The following SLC39A10 variants were observed in gnomAD, a reference collection of about 807,000 sequenced individuals.
SLC39A10 encodes solute carrier family 39 member 10, also known as zinc transporter ZIP10.
In SLC39A10, 13 loss-of-function variants were observed where a neutral mutation model predicts 65.1. That is an observed-to-expected ratio of 0.20 (90% CI 0.13 to 0.32). SLC39A10 has a LOEUF of 0.32. Ranked by LOEUF, SLC39A10 falls within the 10% of genes least tolerant of loss-of-function variation. The pLI, the probability that SLC39A10 is intolerant of heterozygous loss-of-function variation, is 1.00. For missense variants in SLC39A10, 831 were observed against 1,018.4 expected (o/e 0.82, Z 2.50); for synonymous variants, 321 against 342.2 (o/e 0.94, Z 0.68).
intron 9 of SLC39A10, among the ~76,000 whole-genome samples, chr2:195,730,603 T>C (rs1692402731): frequency 6.6e-6 from 1 of 152,228 alleles, no homozygotes; most frequent in South Asian, 2.1e-4. Flanking sequence ...TGCATCTAAA[T>C]GTTGGCAAAA....
At chr2:195,655,985 C>G (rs1339469731), upstream of SLC39A10, among the ~76,000 whole-genome samples, 1 of 152,208 alleles carries the variant, frequency 6.6e-6, no homozygotes, top group Non-Finnish European at 1.5e-5. Context: ...TCTACCTGCT[C>G]TGTGATACCA....
chr2:195,657,752 G>A, intron 1 of SLC39A10: 1 of 542,818 alleles, frequency 1.8e-6, no homozygotes, highest in Non-Finnish European at 2.4e-6. Context: ...GCAGGTCTTC[G>A]GGGGCTTGGC....
chr2:195,712,145 GT>G (rs1691621221), intron 5 of SLC39A10, among the ~76,000 whole-genome samples: 2 of 152,356 alleles, frequency 1.3e-5, no homozygotes, highest in South Asian at 4.1e-4. Context: ...TTCACTCCCT[GT>G]CTGCATCTTA....
chr2:195,635,225 A>G (rs1574207968), intron 2 of SLC39A10, among the ~76,000 whole-genome samples: 1 of 152,226 alleles, frequency 6.6e-6, no homozygotes, highest in Non-Finnish European at 1.5e-5. Context: ...AGAAAAGGGA[A>G]ATTTGTTTTC....
intron 1 of SLC39A10, chr2:195,671,804 C>G (rs573284770): frequency 6.6e-6 from 1 of 152,282 alleles, no homozygotes; most frequent in Non-Finnish European, 1.5e-5. Context: ...AGAAGTGATG[C>G]CTGCAACTTC....
rs555056581 is a variant in SLC39A10, at chr2:195,619,914, CTATTTATT to C, written c.-12+13699_-12+13706del. 4.6e-5 allele frequency among the ~76,000 whole-genome samples: 7 copies of C among 151,630 alleles called. 1 individual carries two copies. Among genetic ancestry groups the C allele is most frequent in the African/African-American group, 1.2e-4 (5 of 41,302 alleles). ...TAGAGACAGAGTCTTCAGGACTTTA[CTATTTATT>C]TATTTATTTATTTATTTTGAGACAG... On this transcript the variant is annotated intron_variant, in intron 2 of 2. Coordinates refer to the SLC39A10 transcript ENST00000458054.
At chr2:195,632,625 A>T (rs1688612092) in intron 2 of SLC39A10, among the ~76,000 whole-genome samples, 1 of 152,062 alleles carries the variant, frequency 6.6e-6, no homozygotes, top group Non-Finnish European at 1.5e-5. Flanking sequence ...CTTTTAAACA[A>T]TTGTAGTACT....
At chr2:195,729,465 C>T (rs1016589697) in intron 9 of SLC39A10, among the ~76,000 whole-genome samples, 2 of 152,174 alleles carry the variant, frequency 1.3e-5, no homozygotes, top group Non-Finnish European at 2.9e-5. Flanking sequence ...TCATGGGGAA[C>T]ACCGAAGCTA....
chr2:195,620,490 A>G (rs560819426), intron 2 of SLC39A10, among the ~76,000 whole-genome samples: 209 of 152,254 alleles, frequency 1.4e-3, no homozygotes, highest in African/African-American at 4.5e-3. Context: ...AAAGTTAAAT[A>G]TTAGAGTTAC....
intron 3 of SLC39A10, among the ~76,000 whole-genome samples, chr2:195,694,975 C>T (rs577936221): frequency 6.6e-6 from 1 of 152,286 alleles, no homozygotes; most frequent in East Asian, 1.9e-4. Flanking sequence ...AAAACAGACT[C>T]TCCGCGGGGC....
intron 3 of SLC39A10, among the ~76,000 whole-genome samples, chr2:195,695,560 G>GT (rs1301737385): frequency 6.6e-6 from 1 of 152,132 alleles, no homozygotes; most frequent in Admixed American, 6.5e-5. Flanking sequence ...TGGACTCACA[G>GT]TTTTTTTGGT....
At position 195,657,299 on chromosome 2, in the gene SLC39A10, AT is replaced by A; in HGVS notation, c.-12+21del. ...AGTGTGAGGTAACTATAAAACCCCG[AT>A]TTGTTTACATTCCCTCCCCCAGAAC... On this transcript the variant is annotated intron_variant, in intron 1 of 9. Coordinates refer to ENST00000359634, the MANE Select transcript of SLC39A10 (RefSeq NM_020342.3). 1 of 797,290 alleles carries A rather than the reference AT, an allele frequency of 1.3e-6. No individual in the cohort carries two copies. The highest frequency in any genetic ancestry group is 6.4e-4 in the Middle Eastern group (1 of 1,562). 49.4% of individuals were successfully genotyped at this position (797,290 alleles called of 1,614,324 possible).
intron 4 of SLC39A10, among the ~76,000 whole-genome samples, chr2:195,707,319 A>T (rs1691441429): frequency 6.6e-6 from 1 of 152,146 alleles, no homozygotes; most frequent in African/African-American, 2.4e-5. Flanking sequence ...CAACCTTTTT[A>T]AAAGTTGCTC....
rs1692319822 is a variant in SLC39A10, at chr2:195,728,383, C to A, written c.2337+34C>A. 2 of 1,559,362 alleles carry A rather than the reference C, an allele frequency of 1.3e-6. No individual in the cohort carries two copies. The highest frequency in any genetic ancestry group is 1.4e-5 in the African/African-American group (1 of 73,434). ...TTTTATATTTTTTTGTGGTACTAAA[C>A]CTGCAAATGAAAGAAATCCTTGGAA... On this transcript the variant is annotated intron_variant, in intron 9 of 9. Transcript: ENST00000359634. The surrounding 1 kb of genome is among the most constrained non-coding windows in gnomAD (Gnocchi z 4.4).
rs561432125 is a variant in SLC39A10, at chr2:195,689,884, A to C, written c.1216+5978A>C. On this transcript the variant is annotated intron_variant, in intron 3 of 9. Coordinates refer to ENST00000359634, the MANE Select transcript of SLC39A10 (RefSeq NM_020342.3). ...GGTTCATCCATGTTGTAGCATCAGCAATTTCTTCCTGGCCGGTCACAGTGG... is the reference window on the plus strand; with the variant it reads ...GGTTCATCCATGTTGTAGCATCAGCCATTTCTTCCTGGCCGGTCACAGTGG... Among the ~76,000 whole-genome samples the C allele has an allele frequency of 4.4e-4, 67 of 152,278 alleles. 1 individual carries two copies. The East Asian group carries it at 4.4e-3, about 10-fold the overall frequency.
chr2:195,668,553 G>C (rs1360653982), intron 1 of SLC39A10, among the ~76,000 whole-genome samples: 1 of 152,180 alleles, frequency 6.6e-6, no homozygotes, highest in African/African-American at 2.4e-5. Flanking sequence ...TATTTTGTGT[G>C]TTTGTGTGCA....
intron 3 of SLC39A10, among the ~76,000 whole-genome samples, chr2:195,690,180 A>G (rs1273783477): frequency 1.2e-4 from 17 of 140,730 alleles, no homozygotes; most frequent in African/African-American, 4.1e-4. Flanking sequence ...TCTGAAAAAA[A>G]AAAAAAAAAA....
chr2:195,719,583 G>A (rs146768813), intron 8 of SLC39A10, among the ~76,000 whole-genome samples: 1 of 151,028 alleles, frequency 6.6e-6, no homozygotes, highest in Non-Finnish European at 1.5e-5. Flanking sequence ...AGTTCTTGTT[G>A]CCACAACCCT....
chr2:195,627,752 C>G (rs1443929099), intron 2 of SLC39A10, among the ~76,000 whole-genome samples: 1 of 152,170 alleles, frequency 6.6e-6, no homozygotes, highest in Admixed American at 6.5e-5. Flanking sequence ...GCATTGTATA[C>G]TGAATGGCCA....
Sources: allele counts gnomAD v4.1 joint callset (sites outside exome capture counted in the v4.1 genomes callset), GRCh38; gene constraint gnomAD v4.1.1; non-coding constraint Gnocchi (gnomAD v3.1); transcripts MANE v1.5; gene names NCBI Gene and HGNC (gene_info 2026-07-23, HGNC 2026-07-21).